KIF9: variants seen among roughly 807,000 people sequenced by gnomAD.
KIF9 encodes the protein kinesin family member 9.
KIF9 carries 68 observed loss-of-function variants against 94.8 expected under a neutral mutation model. That is an observed-to-expected ratio of 0.72 (90% CI 0.59 to 0.88). The LOEUF is 0.88. KIF9 is among the 40% of genes least tolerant of loss of function. KIF9 has a pLI of 0.00. For missense variants in KIF9, 882 were observed against 982.5 expected (o/e 0.90, Z 1.37); for synonymous variants, 343 against 362.1 (o/e 0.95, Z 0.60).
chr3:47,254,523 A>G (rs1700453648), intron 10 of KIF9, among the ~76,000 whole-genome samples: 2 of 152,322 alleles, frequency 1.3e-5, no homozygotes, highest in Middle Eastern at 3.4e-3. Context: ...AGGCAGAAGA[A>G]TGGCTTGAAC....
At position 47,236,077 on chromosome 3, in the gene KIF9, C is replaced by T; in HGVS notation, c.2174G>A (p.Ser725Asn). 2 of 1,614,190 alleles carry T rather than the reference C, an allele frequency of 1.2e-6. No individual in the cohort carries two copies. Among genetic ancestry groups the T allele is most frequent in the Middle Eastern group, 1.6e-4 (1 of 6,062 alleles). Residue 725 changes from serine (S) to asparagine (N), a missense_variant, in exon 19 of 21, where the codon AGC (serine) becomes AAC (asparagine). By Grantham distance (46) the Ser-to-Asn change is conservative. Coordinates refer to ENST00000684063, the MANE Select transcript of KIF9 (RefSeq NM_182902.4). ...CACAGGGACCATGCCTGGCCGGATG[C>T]TGCCGCCTGGCTTCAGTGCCATCTG... Reference protein sequence around the residue: ...DMQMALKPGGSIRPGMVPVNR... With the variant: ...DMQMALKPGGNIRPGMVPVNR...
At chr3:47,265,235 G>A (rs1017747455) in intron 8 of KIF9, among the ~76,000 whole-genome samples, 1 of 152,190 alleles carries the variant, frequency 6.6e-6, no homozygotes, top group African/African-American at 2.4e-5. Context: ...GGGAGGGGCA[G>A]GGACAGGAGA....
intron 11 of KIF9, 65 bp downstream of exon 11, chr3:47,247,953 C>A: frequency 7.8e-7 from 1 of 1,278,076 alleles, no homozygotes; most frequent in African/African-American, 1.5e-5. Context: ...GCCCCTAGCC[C>A]CAGTCCCTCT....
At position 47,253,363 on chromosome 3, in the gene KIF9, C is replaced by T. The variant is rs1700385985; in HGVS notation, c.1059+4120G>A. Among the ~76,000 whole-genome samples, 3 of 152,032 alleles carry T rather than the reference C, an allele frequency of 2.0e-5. No individual in the cohort carries two copies. In the South Asian group the frequency reaches 6.2e-4, roughly 32 times the overall value. On this transcript the variant is annotated intron_variant, in intron 10 of 20. Coordinates refer to ENST00000684063, the MANE Select transcript of KIF9 (RefSeq NM_182902.4). ...GTAGAGATGGGGTTCTCCATGTTGTCCAGGCTGGTCTCGCACTCCTGGCCT... is the reference window on the plus strand; with the variant it reads ...GTAGAGATGGGGTTCTCCATGTTGTTCAGGCTGGTCTCGCACTCCTGGCCT...
At position 47,236,598 on chromosome 3, in the gene KIF9, A is replaced by G. The variant is rs201546366; in HGVS notation, c.1946T>C (p.Leu649Pro). The part of the protein sequence containing the change: ...EKQGKYENKG[L>P]MIIDEEEFLL... ...GAATTCTTCCTCATCGATGATCATC[A>G]GCCCCTTGTTTTCGTACTTGCCTGC... is the stretch of plus-strand genomic sequence containing the variant. Residue 649 changes from leucine (L) to proline (P), a missense_variant, in exon 18 of 21, where the codon CTG becomes CCG. Physicochemically the swap from Leu to Pro is moderately conservative, Grantham distance 98. Coordinates refer to ENST00000684063, the MANE Select transcript of KIF9 (RefSeq NM_182902.4). The G allele has an allele frequency of 5.0e-6, 8 of 1,613,946 alleles. No individual in the cohort carries two copies. The highest frequency in any genetic ancestry group is 5.9e-6 in the Non-Finnish European group (7 of 1,180,034).
At chr3:47,244,612 C>A (rs974400056) in intron 15 of KIF9, 179 bp downstream of exon 15, 1 of 701,732 alleles carries the variant, frequency 1.4e-6, no homozygotes, top group Non-Finnish European at 2.4e-6. Context: ...GATTCTTGTG[C>A]GGTTCCAAAC....
chr3:47,228,583 G>A lies in KIF9; in HGVS notation c.*69C>T. 7.8e-7 allele frequency: 1 copy of A among 1,276,054 alleles called. No individual in the cohort carries two copies. 79.0% of individuals were successfully genotyped at this position (1,276,054 alleles called of 1,614,324 possible). A position where few individuals can be genotyped will look rare whatever the true frequency, so the allele number is the denominator to read the frequency against. On this transcript the variant is annotated 3_prime_UTR_variant, in exon 21 of 21. Coordinates refer to ENST00000684063, the MANE Select transcript of KIF9 (RefSeq NM_182902.4). Reference sequence around the variant, plus strand: ...GAGGGGGCTGCAGCTCTGGGCAGGTGGTTGAGCAGCTCCACTACAGTAGGT... The same window carrying A: ...GAGGGGGCTGCAGCTCTGGGCAGGTAGTTGAGCAGCTCCACTACAGTAGGT...
intron 18 of KIF9, 97 bp from the exon 19 acceptor site, chr3:47,236,246 T>G: frequency 9.3e-7 from 1 of 1,075,130 alleles, no homozygotes; most frequent in South Asian, 1.3e-5. Context: ...TCTGTTCACT[T>G]CCTGCTCCAA....
intron 3 of KIF9, among the ~76,000 whole-genome samples, chr3:47,275,060 G>T (rs937923716): frequency 1.3e-5 from 2 of 152,172 alleles, no homozygotes; most frequent in Non-Finnish European, 1.5e-5. Context: ...ATACTTGAGA[G>T]ATTTGAAACA....
At chr3:47,241,871 T>C (rs1251051622) in intron 16 of KIF9, among the ~76,000 whole-genome samples, 5 of 104,082 alleles carry the variant, frequency 4.8e-5, no homozygotes, top group African/African-American at 7.9e-5. Flanking sequence ...TACACATATA[T>C]ATATATATAT....
At chr3:47,272,924 A>G (rs535724638) in intron 4 of KIF9, among the ~76,000 whole-genome samples, 1 of 152,308 alleles carries the variant, frequency 6.6e-6, no homozygotes, top group East Asian at 1.9e-4. Context: ...ATCCTGTCCT[A>G]TAACACTTCT....
intron 10 of KIF9, among the ~76,000 whole-genome samples, chr3:47,254,980 G>GCT (rs1700484323): frequency 6.6e-6 from 1 of 152,128 alleles, no homozygotes; most frequent in Non-Finnish European, 1.5e-5. Context: ...GCTGCTCTAA[G>GCT]CTCCACTCCC....
At chr3:47,242,685 A>G (rs1699653644) in intron 16 of KIF9, among the ~76,000 whole-genome samples, 1 of 152,232 alleles carries the variant, frequency 6.6e-6, no homozygotes. Flanking sequence ...GATCCTTAAA[A>G]ACTCATGAGG....
At chr3:47,268,620 T>C (rs977181669) in intron 5 of KIF9, among the ~76,000 whole-genome samples, 3 of 151,446 alleles carry the variant, frequency 2.0e-5, no homozygotes, top group African/African-American at 7.3e-5. Flanking sequence ...TCTCACTCTG[T>C]TGCCCAGGCT....
chr3:47,257,612 C>G, intron 9 of KIF9, 52 bp from the exon 10 acceptor site: 1 of 1,513,516 alleles, frequency 6.6e-7, no homozygotes, highest in Non-Finnish European at 9.1e-7. Flanking sequence ...AAGTGAGACC[C>G]CAAGAGACCG....
chr3:47,260,004 A>G (rs1700859508), intron 9 of KIF9, among the ~76,000 whole-genome samples: 1 of 67,144 alleles, frequency 1.5e-5, no homozygotes, highest in African/African-American at 6.3e-5. Context: ...TGCCTCTTGC[A>G]GTTGAGACAA....
At chr3:47,251,483 G>A (rs1398658374) in intron 10 of KIF9, among the ~76,000 whole-genome samples, 1 of 152,170 alleles carries the variant, frequency 6.6e-6, no homozygotes, top group East Asian at 1.9e-4. Context: ...AGAATGGCTT[G>A]AACCCGGGAG....
intron 16 of KIF9, 117 bp downstream of exon 16, chr3:47,242,934 A>C: frequency 7.2e-6 from 6 of 832,386 alleles, no homozygotes; most frequent in South Asian, 6.6e-5. Flanking sequence ...CTGTGCTCCT[A>C]GTCTTTGCCT....
intron 8 of KIF9, 76 bp downstream of exon 8, chr3:47,265,654 A>G (rs1326302629): frequency 6.8e-7 from 1 of 1,470,174 alleles, no homozygotes; most frequent in Non-Finnish European, 9.4e-7. Flanking sequence ...TATCATCACC[A>G]GTGGCAGATG....
Sources: gnomAD v4.1 joint callset for allele counts (sites outside exome capture counted in the v4.1 genomes callset) on GRCh38, gnomAD v4.1.1 for gene constraint, MANE v1.5 for transcripts, NCBI Gene and HGNC (gene_info 2026-07-23, HGNC 2026-07-21) for gene names.